The following ETV7 variants were observed in gnomAD, a reference collection of about 807,000 sequenced individuals.
ETV7 encodes the protein transcription factor ETV7.
ETV7 carries 43 observed loss-of-function variants against 39.1 expected under a neutral mutation model. The ratio of observed to expected loss-of-function variants is 1.10; its 90% CI spans 0.86 to 1.42. The LOEUF is 1.42. Among genes scored for constraint, ETV7 ranks in the 40% most tolerant of loss-of-function variants. The pLI, the probability that ETV7 is intolerant of heterozygous loss-of-function variation, is 0.00. For missense variants in ETV7, 432 were observed against 442.3 expected, an observed-to-expected ratio of 0.98 and a Z score of 0.21; for synonymous variants, 196 against 176.6, an observed-to-expected ratio of 1.11 and a Z score of -0.87.
chr6:36,375,114 G>A (rs909060655), intron 3 of ETV7, among the ~76,000 whole-genome samples: 3 of 151,684 alleles, frequency 2.0e-5, no homozygotes, highest in Admixed American at 2.0e-4. Flanking sequence ...AGACTGGGCT[G>A]TATGTGTTAG....
rs1426027973 is a variant in ETV7, at chr6:36,387,591, T to C, written c.-50A>G. 5.0e-6 allele frequency: 8 copies of C among 1,610,570 alleles called. No homozygotes were observed. Among genetic ancestry groups the C allele is most frequent in the African/African-American group, 2.7e-5 (2 of 74,870 alleles). Reference sequence around the variant, plus strand: ...CGGCTTTCTGTCTTGAGCGCTCCCCTGGCTGTGGCTGCTGGGGCCCTAGGC... The same window carrying C: ...CGGCTTTCTGTCTTGAGCGCTCCCCCGGCTGTGGCTGCTGGGGCCCTAGGC... On this transcript the variant is annotated 5_prime_UTR_variant, in exon 1 of 8. Transcript: ENST00000340181.
rs1282077196 is a variant in ETV7, at chr6:36,387,426, G to T, written c.6+110C>A. 4.9e-6 allele frequency: 7 copies of T among 1,432,380 alleles called. No homozygotes were observed. In the Admixed American group the frequency reaches 8.4e-5, roughly 17 times the overall value. The allele number at this position is 1,432,380 out of a possible 1,614,324, so 88.7% of individuals were successfully genotyped here. A position where few individuals can be genotyped will look rare whatever the true frequency, so the allele number is the denominator to read the frequency against. ...GAATGTGTTGGAAAGAGAGATTCCC[G>T]CCAGGTAAAAGGTCTGATAAAATAG... On this transcript the variant is annotated intron_variant, in intron 1 of 7. Transcript: ENST00000340181.
At chr6:36,373,772 G>C (rs558863181) in intron 3 of ETV7, among the ~76,000 whole-genome samples, 194 bp from the exon 4 acceptor site, 1 of 152,258 alleles carries the variant, frequency 6.6e-6, no homozygotes, top group Non-Finnish European at 1.5e-5. Context: ...TGCTGCTCCC[G>C]TGGTGGATGA....
chr6:36,378,252 A>C (rs1316187579), intron 2 of ETV7, among the ~76,000 whole-genome samples: 1 of 151,746 alleles, frequency 6.6e-6, no homozygotes, highest in Non-Finnish European at 1.5e-5. Context: ...AAAAAAAAAA[A>C]AAAACCTGAC....
chr6:36,372,353 G>T (rs73406999), intron 4 of ETV7, among the ~76,000 whole-genome samples: 4,986 of 152,240 alleles, frequency 0.033, 192 homozygotes, highest in East Asian at 0.13. Context: ...GAAGGCAAGG[G>T]CAGGAGTCAG....
chr6:36,378,557 A>G (rs1284457237), intron 2 of ETV7, among the ~76,000 whole-genome samples: 2 of 151,940 alleles, frequency 1.3e-5, no homozygotes, highest in African/African-American at 4.8e-5. Flanking sequence ...AATATTTGCA[A>G]TGCAGATGAC....
chr6:36,372,222 G>A lies in ETV7; in HGVS notation c.434-662C>T, dbSNP rs372649612. On this transcript the variant is annotated intron_variant, in intron 4 of 7. Coordinates refer to ENST00000340181, the MANE Select transcript of ETV7 (RefSeq NM_016135.4). ...TAGAGCAGAGAGGGGATGCCAGGCA[G>A]AGGGAACAGTAAGTGCAAAGGCCCT... is the stretch of plus-strand genomic sequence containing the variant. 8.5e-4 allele frequency among the ~76,000 whole-genome samples: 130 copies of A among 152,236 alleles called. 2 individuals are homozygous for A. The South Asian group carries it at 0.024, about 28-fold the overall frequency.
At chr6:36,357,322 G>A (rs929029580) in intron 7 of ETV7, among the ~76,000 whole-genome samples, 3 of 152,132 alleles carry the variant, frequency 2.0e-5, no homozygotes, top group East Asian at 1.9e-4. Flanking sequence ...CCAGCAGGGA[G>A]GGACTAGAGA....
intron 6 of ETV7, among the ~76,000 whole-genome samples, chr6:36,368,645 T>C (rs1351812701): frequency 1.3e-5 from 2 of 152,192 alleles, no homozygotes; most frequent in African/African-American, 4.8e-5. Context: ...CTGGCCTAAC[T>C]GTGCAGTTCA....
intron 2 of ETV7, among the ~76,000 whole-genome samples, chr6:36,377,998 A>C (rs1773461528): frequency 6.6e-6 from 1 of 152,250 alleles, no homozygotes; most frequent in African/African-American, 2.4e-5. Flanking sequence ...AAGGCAGGAA[A>C]AAAGAATACA....
At chr6:36,371,737 G>A (rs1773038335) in intron 4 of ETV7, among the ~76,000 whole-genome samples, 177 bp from the exon 5 acceptor site, 1 of 152,210 alleles carries the variant, frequency 6.6e-6, no homozygotes, top group Non-Finnish European at 1.5e-5. Flanking sequence ...GGGCCAGACA[G>A]CCTAAGTGCT....
intron 7 of ETV7, among the ~76,000 whole-genome samples, chr6:36,354,894 T>C (rs1244546391): frequency 1.3e-5 from 2 of 152,250 alleles, no homozygotes; most frequent in Non-Finnish European, 2.9e-5. Context: ...TTTATTCTTT[T>C]GATGGTATTG....
At chr6:36,371,206 C>A (rs1772998098) in intron 5 of ETV7, 124 bp downstream of exon 5, 4 of 971,578 alleles carry the variant, frequency 4.1e-6, no homozygotes, top group Non-Finnish European at 6.3e-6. Flanking sequence ...TCAACGCTAC[C>A]CTGCAATCCC....
chr6:36,358,534 A>T (rs1772397384), intron 7 of ETV7, among the ~76,000 whole-genome samples: 1 of 152,240 alleles, frequency 6.6e-6, no homozygotes, highest in Non-Finnish European at 1.5e-5. Flanking sequence ...TCCCTGGCTG[A>T]AAGCCCAGAA....
chr6:36,375,987 C>A lies in ETV7; in HGVS notation c.191G>T (p.Arg64Leu), dbSNP rs150949834. The change falls in exon 3 of 8, where the codon CGC becomes CTC. Residue 64 changes from arginine (R) to leucine (L), a missense_variant. Coordinates refer to ENST00000340181, the MANE Select transcript of ETV7 (RefSeq NM_016135.4). ...WSREDVLHWL[R>L]WAEQEYSLPC... ...CAGAGAGTACTCCTGCTCTGCCCAG[C>A]GCAGCCAGTGCAGCACGTCCTCCCT... 15 of 1,611,474 alleles carry A rather than the reference C, an allele frequency of 9.3e-6. No homozygotes were observed. The highest frequency in any genetic ancestry group is 1.3e-5 in the African/African-American group (1 of 75,044).
chr6:36,368,735 A>G (rs1302373775), intron 6 of ETV7, among the ~76,000 whole-genome samples, 194 bp downstream of exon 6: 2 of 152,228 alleles, frequency 1.3e-5, no homozygotes, highest in East Asian at 3.9e-4. Flanking sequence ...TCAGTTTCAG[A>G]GACATTCCCC....
chr6:36,362,319 C>T (rs1316550060), downstream of ETV7, among the ~76,000 whole-genome samples: 2 of 151,578 alleles, frequency 1.3e-5, no homozygotes, highest in Non-Finnish European at 2.9e-5. Flanking sequence ...AAAAAATTAG[C>T]TGGTGTGGTG....
At position 36,359,596 on chromosome 6, in the gene ETV7, C is replaced by T. The variant is rs114393190; in HGVS notation, c.909-4909G>A. Among the ~76,000 whole-genome samples the T allele has an allele frequency of 2.8e-3, 429 of 152,312 alleles. 2 individuals are homozygous for T. The highest frequency in any genetic ancestry group is 9.9e-3 in the African/African-American group (411 of 41,582). On this transcript the variant is annotated intron_variant, in intron 7 of 7. Coordinates refer to the ETV7 transcript ENST00000339796. Reference sequence around the variant, plus strand: ...TGACAGCTCAATTTAAATTTGGCCCCTCTCACTTGATTCTATTTTATTTTC... The same window carrying T: ...TGACAGCTCAATTTAAATTTGGCCCTTCTCACTTGATTCTATTTTATTTTC...
chr6:36,376,182 C>G, intron 2 of ETV7, 147 bp from the exon 3 acceptor site: 2 of 669,336 alleles, frequency 3.0e-6, no homozygotes, highest in Non-Finnish European at 4.9e-6. Flanking sequence ...TCTTTCCTTC[C>G]TAGCATGTTA....
Sources: gnomAD v4.1 joint callset for allele counts (sites outside exome capture counted in the v4.1 genomes callset) on GRCh38, gnomAD v4.1.1 for gene constraint, MANE v1.5 for transcripts, NCBI Gene and HGNC (gene_info 2026-07-23, HGNC 2026-07-21) for gene names.